Variants in SHTN1 observed in about 807,000 individuals in gnomAD.
The protein encoded by SHTN1 is shootin 1, also known as shootin-1.
In SHTN1, 42 loss-of-function variants were observed where a neutral mutation model predicts 83.1. The observed-to-expected ratio is 0.51, with a 90% CI of 0.39 to 0.65. SHTN1 has a LOEUF of 0.65. Ranked by LOEUF, SHTN1 falls within the 30% of genes least tolerant of loss-of-function variation. The pLI is 0.00. For synonymous variants in SHTN1, 224 were observed against 247.7 expected (o/e 0.90, Z 0.90); for missense variants, 622 against 737.8 (o/e 0.84, Z 1.82).
intron 2 of SHTN1, among the ~76,000 whole-genome samples, chr10:116,978,978 T>C (rs796974323): frequency 1.3e-5 from 2 of 152,346 alleles, no homozygotes; most frequent in African/African-American, 4.8e-5. Context: ...GTACGATTCC[T>C]GGGGACTTGA....
chr10:116,930,563 T>C (rs942254840), intron 9 of SHTN1, among the ~76,000 whole-genome samples: 1 of 152,202 alleles, frequency 6.6e-6, no homozygotes, highest in Admixed American at 6.5e-5. Context: ...CATTATCTCA[T>C]TCCTTTTTAT....
chr10:116,958,622 C>T (rs1285140722), intron 4 of SHTN1, among the ~76,000 whole-genome samples: 2 of 152,162 alleles, frequency 1.3e-5, no homozygotes, highest in Non-Finnish European at 2.9e-5. Flanking sequence ...AACCATGGTC[C>T]ATCCTGGCAT....
chr10:117,118,349 A>G (rs762734572), intron 1 of SHTN1, among the ~76,000 whole-genome samples: 1 of 134,498 alleles, frequency 7.4e-6, no homozygotes, highest in Non-Finnish European at 1.6e-5. Context: ...ACCACAATGA[A>G]ATATAATCCA....
chr10:116,944,036 C>T (rs545282653), intron 8 of SHTN1, among the ~76,000 whole-genome samples: 1 of 152,114 alleles, frequency 6.6e-6, no homozygotes, highest in African/African-American at 2.4e-5. Context: ...GCTGGTGAAA[C>T]GCTGAGATAA....
At chr10:116,958,623 A>T (rs1850067746) in intron 4 of SHTN1, among the ~76,000 whole-genome samples, 1 of 152,226 alleles carries the variant, frequency 6.6e-6, no homozygotes, top group Non-Finnish European at 1.5e-5. Flanking sequence ...ACCATGGTCC[A>T]TCCTGGCATT....
At chr10:117,109,272 G>A (rs956829390) in intron 1 of SHTN1, among the ~76,000 whole-genome samples, 5 of 152,096 alleles carry the variant, frequency 3.3e-5, no homozygotes, top group Non-Finnish European at 7.3e-5. Flanking sequence ...TGTAGTCCAT[G>A]TTGTGACTCC....
upstream of SHTN1, among the ~76,000 whole-genome samples, chr10:117,009,109 C>A (rs1316379920): frequency 1.3e-5 from 2 of 151,844 alleles, no homozygotes; most frequent in South Asian, 2.1e-4. Flanking sequence ...GAGCAAAATT[C>A]TGTCTCAAAA....
chr10:116,987,437 C>T (rs373964930), intron 1 of SHTN1, among the ~76,000 whole-genome samples: 4 of 152,056 alleles, frequency 2.6e-5, no homozygotes, highest in African/African-American at 7.2e-5. Flanking sequence ...ATCCAGATAA[C>T]GGAACAGTAT....
chr10:117,097,063 A>AC (rs1554938944), intron 1 of SHTN1, among the ~76,000 whole-genome samples: 5 of 151,678 alleles, frequency 3.3e-5, no homozygotes, highest in Non-Finnish European at 5.9e-5. Flanking sequence ...ACACACACAC[A>AC]AAGGAAAAAG....
At chr10:116,981,933 C>G (rs969538258) in intron 1 of SHTN1, among the ~76,000 whole-genome samples, 1 of 152,108 alleles carries the variant, frequency 6.6e-6, no homozygotes, top group African/African-American at 2.4e-5. Context: ...GTAGCGCGCA[C>G]CTGTAATCCC....
intron 1 of SHTN1, among the ~76,000 whole-genome samples, chr10:117,002,391 GAATA>G (rs1367141427): frequency 6.6e-6 from 1 of 152,094 alleles, no homozygotes; most frequent in Non-Finnish European, 1.5e-5. Flanking sequence ...TTGAAGGAAT[GAATA>G]AATATGTTTA....
chr10:116,912,203 C>T (rs1848226039), intron 13 of SHTN1, among the ~76,000 whole-genome samples: 1 of 152,210 alleles, frequency 6.6e-6, no homozygotes, highest in South Asian at 2.1e-4. Context: ...AAACTGTCCT[C>T]TACCTGCATT....
chr10:116,925,142 T>C (rs4385806), intron 11 of SHTN1, among the ~76,000 whole-genome samples: 151,893 of 152,296 alleles, frequency 1, 75,746 homozygotes, highest in Non-Finnish European at 1. Context: ...ACGGGGTGCC[T>C]GAGATACTTG....
intron 2 of SHTN1, among the ~76,000 whole-genome samples, chr10:117,044,373 T>C (rs1852630993): frequency 6.6e-6 from 1 of 152,180 alleles, no homozygotes; most frequent in African/African-American, 2.4e-5. Context: ...TATATGTATG[T>C]ACATTACTTA....
intron 1 of SHTN1, among the ~76,000 whole-genome samples, chr10:116,990,435 T>C (rs1010575421): frequency 9.2e-5 from 14 of 152,090 alleles, no homozygotes; most frequent in Non-Finnish European, 1.5e-4. Flanking sequence ...GCACGAATTG[T>C]CAGATTTGTA....
At chr10:116,921,742 A>G (rs1221315743) in intron 11 of SHTN1, among the ~76,000 whole-genome samples, 1 of 152,198 alleles carries the variant, frequency 6.6e-6, no homozygotes, top group Non-Finnish European at 1.5e-5. Flanking sequence ...GTACACTACT[A>G]TAATAATAAA....
At chr10:116,925,459 C>A (rs1848712654) in intron 11 of SHTN1, among the ~76,000 whole-genome samples, 1 of 152,208 alleles carries the variant, frequency 6.6e-6, no homozygotes, top group African/African-American at 2.4e-5. Flanking sequence ...TCCCAGTTCT[C>A]AGGCCCTTAG....
chr10:117,063,296 T>C (rs547582833), intron 1 of SHTN1, among the ~76,000 whole-genome samples: 9 of 152,260 alleles, frequency 5.9e-5, no homozygotes, highest in African/African-American at 1.7e-4. Flanking sequence ...TCCCTTCAGA[T>C]AGCGACTTTA....
intron 1 of SHTN1, among the ~76,000 whole-genome samples, chr10:117,065,784 GGA>G (rs1852981637): frequency 2.4e-4 from 3 of 12,422 alleles, no homozygotes; most frequent in South Asian, 6.5e-3. Context: ...AAGAAAGAAA[GGA>G]AGGAAGGAAG....
Sources: gnomAD v4.1 joint callset for allele counts (sites outside exome capture counted in the v4.1 genomes callset) on GRCh38, gnomAD v4.1.1 for gene constraint, MANE v1.5 for transcripts, NCBI Gene and HGNC (gene_info 2026-07-23, HGNC 2026-07-21) for gene names.